NECTIN3: variants seen among roughly 807,000 people sequenced by gnomAD.
NECTIN3 encodes nectin-3.
In NECTIN3, 8 loss-of-function variants were observed where a neutral mutation model predicts 49.4. The ratio of observed to expected loss-of-function variants is 0.16; its 90% confidence interval spans 0.10 to 0.29. NECTIN3 has a LOEUF of 0.29. NECTIN3 is among the 10% of genes least tolerant of loss of function. NECTIN3 has a pLI of 1.00. For synonymous variants in NECTIN3, 277 were observed against 241.1 expected, an observed-to-expected ratio of 1.15 and a Z score of -1.38; for missense variants, 581 against 654.6, an observed-to-expected ratio of 0.89 and a Z score of 1.23.
chr3:111,162,737 C>T (rs2107521261), intron 7 of NECTIN3, among the ~76,000 whole-genome samples: 1 of 152,260 alleles, frequency 6.6e-6, no homozygotes, highest in Admixed American at 6.5e-5. Context: ...TCTCAGCTTC[C>T]ATTAATATTT....
At chr3:111,178,442 C>G (rs2035569704) in intron 7 of NECTIN3, among the ~76,000 whole-genome samples, 1 of 152,102 alleles carries the variant, frequency 6.6e-6, no homozygotes, top group South Asian at 2.1e-4. Flanking sequence ...AGGGGAAATA[C>G]CCTCCTCATA....
At chr3:111,086,748 A>T (rs2031955820) in intron 1 of NECTIN3, among the ~76,000 whole-genome samples, 1 of 152,094 alleles carries the variant, frequency 6.6e-6, no homozygotes, top group Non-Finnish European at 1.5e-5. Context: ...GCAGTTTATT[A>T]ATTTTCATAA....
At chr3:111,191,420 AGGC>A (rs1351638085), upstream of NECTIN3, among the ~76,000 whole-genome samples, 1 of 152,208 alleles carries the variant, frequency 6.6e-6, no homozygotes, top group African/African-American at 2.4e-5. Flanking sequence ...AATGCTATGA[AGGC>A]ACAGAAAAGG....
chr3:111,175,850 G>T (rs2035518792), intron 7 of NECTIN3, among the ~76,000 whole-genome samples: 1 of 152,152 alleles, frequency 6.6e-6, no homozygotes, highest in African/African-American at 2.4e-5. Context: ...AATTTGTTCA[G>T]GGAGTAGGTA....
At chr3:111,168,043 G>A (rs1455115271) in intron 7 of NECTIN3, among the ~76,000 whole-genome samples, 4 of 151,972 alleles carry the variant, frequency 2.6e-5, no homozygotes, top group East Asian at 1.9e-4. Context: ...AATCTGAAAC[G>A]CTCCAAAAAG....
chr3:111,135,635 C>T lies in NECTIN3; in HGVS notation c.*1420C>T. ...ATGAAGTGGAAGTTAGTAGGAGAAT[C>T]ATAAATTAAATATATTATTTTGTTA... is the stretch of plus-strand genomic sequence containing the variant. On this transcript the variant is annotated 3_prime_UTR_variant, in exon 6 of 6. Coordinates refer to ENST00000485303, the MANE Select transcript of NECTIN3 (RefSeq NM_015480.3). The T allele has an allele frequency of 2.1e-6, 2 of 963,408 alleles. No homozygotes were observed. The highest frequency in any genetic ancestry group is 2.5e-6 in the Non-Finnish European group (2 of 810,146). The allele number at this position is 963,408 out of a possible 1,614,324, so 59.7% of individuals were successfully genotyped here.
At chr3:111,141,278 A>C (rs1266566348), downstream of NECTIN3, among the ~76,000 whole-genome samples, 5 of 152,040 alleles carry the variant, frequency 3.3e-5, no homozygotes, top group African/African-American at 1.2e-4. Context: ...GTATGGGAGC[A>C]AATCAAAGGT....
chr3:111,169,215 G>T (rs1025338895), intron 7 of NECTIN3, among the ~76,000 whole-genome samples: 1 of 145,904 alleles, frequency 6.9e-6, no homozygotes, highest in African/African-American at 2.5e-5. Context: ...TCAGCCTCCC[G>T]AGTAGCTGGG....
At chr3:111,189,857 A>G (rs1482597266), upstream of NECTIN3, among the ~76,000 whole-genome samples, 2 of 152,190 alleles carry the variant, frequency 1.3e-5, no homozygotes, top group Non-Finnish European at 2.9e-5. Context: ...TGCCATATGC[A>G]CCATGACTGT....
chr3:111,173,769 T>TA (rs2035475824), intron 7 of NECTIN3, among the ~76,000 whole-genome samples: 2 of 152,316 alleles, frequency 1.3e-5, no homozygotes, highest in Admixed American at 6.5e-5. Flanking sequence ...AAGCCTTTAG[T>TA]AAAGTGTACA....
At chr3:111,193,341 A>G (rs1197061168) in intron 1 of NECTIN3, 1 of 1,535,834 alleles carries the variant, frequency 6.5e-7, no homozygotes, top group Admixed American at 2.0e-5. Flanking sequence ...TAACGACCCT[A>G]AGAGAGTCTA....
In NECTIN3 at chr3:111,072,212, G is replaced by A. The variant is rs766730895; in HGVS notation, c.160+35G>A. On this transcript the variant is annotated intron_variant, in intron 1 of 5. Transcript: ENST00000485303. ...CCTCGGCGGCCGGCGTGGGCTGAGG[G>A]AGCCGCCACTGAGGGTGCGGGCGCC... The A allele has an allele frequency of 1.2e-5, 18 of 1,524,492 alleles. 1 individual carries two copies. The South Asian group carries it at 2.1e-4, about 18-fold the overall frequency. The allele number at this position is 1,524,492 out of a possible 1,614,324, so 94.4% of individuals were successfully genotyped here. A position where few individuals can be genotyped will look rare whatever the true frequency, so the allele number is the denominator to read the frequency against.
chr3:111,167,559 G>C (rs1321537664), intron 7 of NECTIN3, among the ~76,000 whole-genome samples: 1 of 152,132 alleles, frequency 6.6e-6, no homozygotes, highest in African/African-American at 2.4e-5. Context: ...TTTATATTGA[G>C]TATAAAAGCT....
At chr3:111,111,985 C>G (rs767021995) in intron 1 of NECTIN3, 45 bp from the exon 2 acceptor site, 1 of 1,419,436 alleles carries the variant, frequency 7.0e-7, no homozygotes, top group Admixed American at 2.1e-5. Flanking sequence ...GTGTTGACCA[C>G]TTTTTTCTAT....
At chr3:111,087,162 A>C (rs1351897873) in intron 1 of NECTIN3, among the ~76,000 whole-genome samples, 3 of 152,144 alleles carry the variant, frequency 2.0e-5, no homozygotes, top group Admixed American at 6.5e-5. Context: ...CTATATAAGC[A>C]TGCCATCTAT....
chr3:111,162,687 T>G (rs1203503556), intron 7 of NECTIN3, among the ~76,000 whole-genome samples: 1 of 152,182 alleles, frequency 6.6e-6, no homozygotes, highest in Non-Finnish European at 1.5e-5. Flanking sequence ...CCAACAGTGT[T>G]GTTAAACTTT....
intron 1 of NECTIN3, among the ~76,000 whole-genome samples, chr3:111,097,979 C>T (rs1576095032): frequency 6.6e-6 from 1 of 152,212 alleles, no homozygotes; most frequent in East Asian, 1.9e-4. Context: ...CCACCTCTTC[C>T]TTGAGTTACA....
intron 7 of NECTIN3, among the ~76,000 whole-genome samples, chr3:111,177,709 G>T (rs755924825): frequency 6.6e-6 from 1 of 152,128 alleles, no homozygotes; most frequent in Non-Finnish European, 1.5e-5. Flanking sequence ...CAGCATTAGG[G>T]CATCGCATTG....
intron 2 of NECTIN3, among the ~76,000 whole-genome samples, chr3:111,117,880 C>A (rs1426843729): frequency 6.6e-6 from 1 of 152,022 alleles, no homozygotes; most frequent in Admixed American, 6.6e-5. Flanking sequence ...AACATTGTTA[C>A]TTTACCCTGC....
Sources: allele counts gnomAD v4.1 joint callset (sites outside exome capture counted in the v4.1 genomes callset), GRCh38; gene constraint gnomAD v4.1.1; transcripts MANE v1.5; gene names NCBI Gene and HGNC (gene_info 2026-07-23, HGNC 2026-07-21).